The following LRGUK variants were observed in gnomAD, a reference collection of about 807,000 sequenced individuals.
LRGUK encodes the protein leucine rich repeats and guanylate kinase domain containing, also known as leucine-rich repeat and guanylate kinase domain-containing protein.
In LRGUK, 65 loss-of-function variants were observed where a neutral mutation model predicts 76.0. The ratio of observed to expected loss-of-function variants is 0.85; its 90% confidence interval spans 0.70 to 1.05. The LOEUF (loss-of-function observed/expected upper bound fraction) is 1.05, where lower values mean the gene tolerates loss of function less well. Among genes scored for constraint, LRGUK ranks in the 50% least tolerant of loss-of-function variants. The pLI is 0.00. For missense variants in LRGUK, 758 were observed against 732.8 expected (o/e 1.03, Z -0.40); for synonymous variants, 268 against 265.6 (o/e 1.01, Z -0.09).
chr7:134,127,605 C>G (rs1563129569), exon 1 of LRGUK: 8 of 1,614,188 alleles, frequency 5.0e-6, no homozygotes, highest in Non-Finnish European at 5.1e-6. Flanking sequence ...AGATGAGGAC[C>G]AGGGCGAGGG....
At chr7:134,205,933 A>G (rs893895833) in intron 15 of LRGUK, among the ~76,000 whole-genome samples, 1 of 152,224 alleles carries the variant, frequency 6.6e-6, no homozygotes, top group African/African-American at 2.4e-5. Context: ...GTATTCCCAG[A>G]TATCTGAAGT....
At chr7:134,167,428 C>T (rs1231265607) in intron 7 of LRGUK, among the ~76,000 whole-genome samples, 1 of 152,188 alleles carries the variant, frequency 6.6e-6, no homozygotes, top group African/African-American at 2.4e-5. Flanking sequence ...TTCCTGGTGC[C>T]CTGGCTCCAT....
intron 12 of LRGUK, 139 bp downstream of exon 12, chr7:134,191,890 T>C (rs1263131912): frequency 1.8e-5 from 10 of 551,342 alleles, no homozygotes; most frequent in Non-Finnish European, 3.1e-5. Context: ...TGGGGTTTTT[T>C]TTTTTTCTTA....
At chr7:134,198,541 C>T (rs1455681620) in intron 13 of LRGUK, among the ~76,000 whole-genome samples, 4 of 152,166 alleles carry the variant, frequency 2.6e-5, no homozygotes, top group South Asian at 4.1e-4. Flanking sequence ...TTGAGATGGA[C>T]GGGACTTTAG....
intron 8 of LRGUK, 112 bp from the exon 9 acceptor site, chr7:134,176,865 G>T: frequency 1.6e-6 from 1 of 636,132 alleles, no homozygotes; most frequent in East Asian, 2.7e-5. Flanking sequence ...GGGTGTGTGT[G>T]GGAATGATGA....
At chr7:134,240,961 T>C (rs1229019819) in intron 16 of LRGUK, among the ~76,000 whole-genome samples, 1 of 152,158 alleles carries the variant, frequency 6.6e-6, no homozygotes, top group African/African-American at 2.4e-5. Context: ...CTAAGCTTCA[T>C]AAGTGAAGGA....
chr7:134,230,277 C>T (rs1231962506), intron 16 of LRGUK, among the ~76,000 whole-genome samples: 1 of 152,094 alleles, frequency 6.6e-6, no homozygotes, highest in Admixed American at 6.6e-5. Context: ...TATTATTAAT[C>T]AGGGAAATGC....
At chr7:134,230,649 A>G (rs1199218875) in intron 16 of LRGUK, among the ~76,000 whole-genome samples, 1 of 152,236 alleles carries the variant, frequency 6.6e-6, no homozygotes, top group Non-Finnish European at 1.5e-5. Context: ...AAATACGTAC[A>G]GTAATGTAAA....
chr7:134,149,938 A>AC (rs538154528), intron 5 of LRGUK, among the ~76,000 whole-genome samples: 311 of 151,734 alleles, frequency 2.0e-3, no homozygotes, highest in African/African-American at 5.0e-3. Context: ...TTTTAATAAG[A>AC]CCCCCCCAAA....
chr7:134,136,243 A>T (rs1321060746), intron 1 of LRGUK, among the ~76,000 whole-genome samples: 11 of 152,138 alleles, frequency 7.2e-5, no homozygotes, highest in Admixed American at 7.2e-4. Flanking sequence ...TCATTGTTGG[A>T]GGAAGGGCTT....
intron 17 of LRGUK, 148 bp from the exon 18 acceptor site, chr7:134,248,803 C>A (rs2117207841): frequency 2.0e-6 from 1 of 507,568 alleles, no homozygotes; most frequent in Non-Finnish European, 3.1e-6. Context: ...CTCTGATGTG[C>A]ATGTTTCTGA....
intron 15 of LRGUK, 91 bp from the exon 16 acceptor site, chr7:134,221,688 G>A (rs1801598695): frequency 9.8e-7 from 1 of 1,022,754 alleles, no homozygotes; most frequent in Non-Finnish European, 1.3e-6. Flanking sequence ...AGCTTGTTAT[G>A]TTTGGGCAAA....
At chr7:134,209,426 A>T (rs1211496487) in exon 16 of LRGUK, 1 of 399,040 alleles carries the variant, frequency 2.5e-6, no homozygotes, top group African/African-American at 2.1e-5. Flanking sequence ...ACCGGAAGCC[A>T]TCCGAGTCAG....
At chr7:134,202,048 C>A (rs1009435203) in intron 15 of LRGUK, among the ~76,000 whole-genome samples, 3 of 152,112 alleles carry the variant, frequency 2.0e-5, no homozygotes, top group Non-Finnish European at 2.9e-5. Flanking sequence ...TGATCCTAGC[C>A]CTGTGCTCTC....
chr7:134,220,679 C>T (rs1400607165), intron 15 of LRGUK, among the ~76,000 whole-genome samples: 5 of 151,900 alleles, frequency 3.3e-5, no homozygotes, highest in African/African-American at 1.2e-4. Context: ...AGTGATCCTC[C>T]CACCTTAGCC....
At chr7:134,212,993 C>A (rs1009044677), downstream of LRGUK, among the ~76,000 whole-genome samples, 2 of 152,172 alleles carry the variant, frequency 1.3e-5, no homozygotes, top group Non-Finnish European at 2.9e-5. Context: ...GGAAACACTC[C>A]TAAGAGAAGG....
chr7:134,137,038 G>A (rs763763005), exon 2 of LRGUK: 1 of 1,613,162 alleles, frequency 6.2e-7, no homozygotes, highest in Non-Finnish European at 8.5e-7. Context: ...ATTTGATGGG[G>A]TCCTGAGAGA....
In LRGUK at chr7:134,170,207, C is replaced by G. The variant is rs573580320; in HGVS notation, c.940-4349C>G. Among the ~76,000 whole-genome samples, 19 of 151,992 alleles carry G rather than the reference C, an allele frequency of 1.3e-4. No individual in the cohort carries two copies. The East Asian group carries it at 3.7e-3, about 29-fold the overall frequency. On this transcript the variant is annotated intron_variant, in intron 7 of 15. Coordinates refer to ENST00000645682, the Ensembl canonical transcript of LRGUK. ...CATTTATTTTATTATCGTTCTTCTGCTTTTCGTTGTACTCATTGTACTTTT... is the reference window on the plus strand; with the variant it reads ...CATTTATTTTATTATCGTTCTTCTGGTTTTCGTTGTACTCATTGTACTTTT...
At chr7:134,202,409 G>A (rs575067011) in intron 15 of LRGUK, among the ~76,000 whole-genome samples, 1 of 152,094 alleles carries the variant, frequency 6.6e-6, no homozygotes, top group Non-Finnish European at 1.5e-5. Flanking sequence ...AAATGGTATT[G>A]CTCCTGTGGG....
Sources: gnomAD v4.1 joint callset for allele counts (sites outside exome capture counted in the v4.1 genomes callset) on GRCh38, gnomAD v4.1.1 for gene constraint, MANE v1.5 for transcripts, NCBI Gene and HGNC (gene_info 2026-07-23, HGNC 2026-07-21) for gene names.